Variants in CSMD1 observed in about 807,000 individuals in gnomAD.
CSMD1 encodes the protein CUB and sushi domain-containing protein 1.
Under a neutral mutation model 417.5 loss-of-function variants are expected in CSMD1, and 213 were observed. The observed-to-expected ratio is 0.51, with a 90% CI of 0.46 to 0.57. The LOEUF (loss-of-function observed/expected upper bound fraction) is 0.57, where lower values mean the gene tolerates loss of function less well. Among genes scored for constraint, CSMD1 ranks in the 20% least tolerant of loss-of-function variants. The pLI is 0.00. For synonymous variants in CSMD1, 2,862 were observed against 1,736.8 expected, an observed-to-expected ratio of 1.65 and a Z score of -16.11; for missense variants, 6,923 against 4,529.7, an observed-to-expected ratio of 1.53 and a Z score of -15.17.
At chr8:4,170,790 G>C (rs188408672) in intron 3 of CSMD1, among the ~76,000 whole-genome samples, 1 of 151,730 alleles carries the variant, frequency 6.6e-6, no homozygotes, top group East Asian at 1.9e-4. Context: ...AAATGGTTCT[G>C]TTTGGGGATT....
intron 10 of CSMD1, among the ~76,000 whole-genome samples, chr8:3,504,800 G>C (rs1449789362): frequency 1.3e-5 from 2 of 152,176 alleles, no homozygotes; most frequent in African/African-American, 4.8e-5. Flanking sequence ...GTGGATGCTT[G>C]AGGAGTAAGG....
chr8:3,915,405 CAAAAAAAA>C (rs778981187), intron 5 of CSMD1, among the ~76,000 whole-genome samples: 3 of 76,294 alleles, frequency 3.9e-5, no homozygotes, highest in Non-Finnish European at 7.9e-5. Flanking sequence ...GACTCTGTCT[CAAAAAAAA>C]AAAAAAAAAA....
At chr8:4,802,730 T>C (rs17071409) in intron 1 of CSMD1, among the ~76,000 whole-genome samples, 8,462 of 152,222 alleles carry the variant, frequency 0.056, 397 homozygotes, top group East Asian at 0.23. Flanking sequence ...CCAAAGAGAA[T>C]GTTTAAATAT....
At chr8:4,932,305 G>C (rs1807300427) in intron 1 of CSMD1, among the ~76,000 whole-genome samples, 1 of 149,854 alleles carries the variant, frequency 6.7e-6, no homozygotes, top group Non-Finnish European at 1.5e-5. Flanking sequence ...AGTAACATTT[G>C]GTACCAAGTA....
At chr8:4,128,329 G>C (rs983306578) in intron 3 of CSMD1, among the ~76,000 whole-genome samples, 1 of 151,814 alleles carries the variant, frequency 6.6e-6, no homozygotes, top group African/African-American at 2.4e-5. Flanking sequence ...AGTTTTTAAT[G>C]AGGAGACAAG....
intron 5 of CSMD1, among the ~76,000 whole-genome samples, chr8:3,791,469 C>T (rs896511844): frequency 3.3e-5 from 5 of 152,156 alleles, no homozygotes; most frequent in Non-Finnish European, 5.9e-5. Context: ...GCTTGTAATA[C>T]GTTCTTTAGT....
intron 3 of CSMD1, among the ~76,000 whole-genome samples, chr8:4,032,755 C>G (rs1432617588): frequency 6.6e-6 from 1 of 152,136 alleles, no homozygotes; most frequent in Non-Finnish European, 1.5e-5. Context: ...GTTTTGACAA[C>G]AGAAATACTG....
chr8:3,287,428 C>T (rs1053679069), intron 25 of CSMD1, among the ~76,000 whole-genome samples: 14 of 152,234 alleles, frequency 9.2e-5, no homozygotes, highest in Middle Eastern at 3.4e-3. Context: ...TTCTTCCTAC[C>T]TATGAGCATG....
At chr8:3,301,604 G>T (rs1021946181) in intron 25 of CSMD1, among the ~76,000 whole-genome samples, 5 of 152,190 alleles carry the variant, frequency 3.3e-5, no homozygotes, top group African/African-American at 9.7e-5. Context: ...TGTGTGTAAA[G>T]AGAGCACCAC....
intron 3 of CSMD1, among the ~76,000 whole-genome samples, chr8:4,170,329 C>A (rs1298352354): frequency 1.3e-5 from 2 of 151,892 alleles, no homozygotes; most frequent in African/African-American, 4.9e-5. Context: ...GTAACAAATT[C>A]TGTCTCATTT....
chr8:4,129,517 G>T (rs770450978), intron 3 of CSMD1, among the ~76,000 whole-genome samples: 1 of 152,104 alleles, frequency 6.6e-6, no homozygotes, highest in East Asian at 1.9e-4. Context: ...CATTTTGCCA[G>T]GGCATAGGAA....
intron 10 of CSMD1, among the ~76,000 whole-genome samples, chr8:3,562,422 A>ACACGTACACACATG (rs1799510207): frequency 1.4e-5 from 2 of 140,498 alleles, no homozygotes; most frequent in Admixed American, 1.4e-4. Context: ...GCACAAACAC[A>ACACGTACACACATG]CATGCACACA....
intron 12 of CSMD1, among the ~76,000 whole-genome samples, chr8:3,413,384 G>T (rs1411547039): frequency 6.6e-6 from 1 of 152,180 alleles, no homozygotes; most frequent in African/African-American, 2.4e-5. Context: ...CCTGTGGTTA[G>T]CTGATCCCAC....
intron 7 of CSMD1, among the ~76,000 whole-genome samples, chr8:3,628,199 G>C (rs1160840193): frequency 6.6e-6 from 1 of 152,126 alleles, no homozygotes; most frequent in East Asian, 1.9e-4. Context: ...CAACGCGGTT[G>C]TATTTTTATT....
intron 10 of CSMD1, among the ~76,000 whole-genome samples, chr8:3,520,037 T>G (rs1015280519): frequency 2.8e-5 from 4 of 145,112 alleles, no homozygotes; most frequent in Admixed American, 6.9e-5. Flanking sequence ...TATATATATA[T>G]ATACACGTAT....
chr8:3,187,795 G>T, intron 36 of CSMD1, 74 bp downstream of exon 36: 1 of 1,070,352 alleles, frequency 9.3e-7, no homozygotes, highest in Non-Finnish European at 1.4e-6. Context: ...TGGAGTGTTT[G>T]CTGTTATTTA....
At chr8:4,104,416 A>ACACACACATGCG (rs59033860) in intron 3 of CSMD1, among the ~76,000 whole-genome samples, 6,709 of 149,268 alleles carry the variant, frequency 0.045, 352 homozygotes, top group African/African-American at 0.13. Flanking sequence ...ATGCACACGC[A>ACACACACATGCG]CACACACATG....
chr8:4,310,508 C>T (rs1040259857), intron 3 of CSMD1, among the ~76,000 whole-genome samples: 8 of 128,086 alleles, frequency 6.2e-5, no homozygotes, highest in Non-Finnish European at 3.4e-5. Flanking sequence ...AACTTCTTTT[C>T]TTCCACATTA....
intron 64 of CSMD1, among the ~76,000 whole-genome samples, chr8:2,955,065 T>C (rs754774548): frequency 2.0e-5 from 3 of 152,218 alleles, no homozygotes; most frequent in Admixed American, 1.3e-4. Flanking sequence ...AAATTTGTAA[T>C]TAATGGATCG....
Sources: allele counts gnomAD v4.1 joint callset (sites outside exome capture counted in the v4.1 genomes callset), GRCh38; gene constraint gnomAD v4.1.1; transcripts MANE v1.5; gene names NCBI Gene and HGNC (gene_info 2026-07-23, HGNC 2026-07-21).